Variants in PODNL1 observed in about 807,000 individuals in gnomAD.
PODNL1 encodes podocan-like protein 1.
A neutral mutation model predicts 45.1 loss-of-function variants in PODNL1; 50 were observed. The ratio of observed to expected loss-of-function variants is 1.11; its 90% CI spans 0.88 to 1.40. The LOEUF is 1.40. PODNL1 is among the 40% of genes most tolerant of loss of function. PODNL1 has a pLI of 0.00. For synonymous variants in PODNL1, 406 were observed against 372.5 expected (o/e 1.09, Z -1.04); for missense variants, 788 against 793.3 (o/e 0.99, Z 0.08).
chr19:13,932,603 G>T, intron 8 of PODNL1, 195 bp downstream of exon 8: 1 of 1,435,910 alleles, frequency 7.0e-7, no homozygotes, highest in Non-Finnish European at 9.4e-7. Flanking sequence ...CGATTCTCCT[G>T]CCTTGGCTCC....
intron 3 of PODNL1, 26 bp from the exon 4 acceptor site, chr19:13,936,070 G>A: frequency 6.5e-6 from 10 of 1,541,398 alleles, no homozygotes; most frequent in Non-Finnish European, 8.8e-6. Flanking sequence ...GGCAGTGAAG[G>A]GACCCCAGGC....
Position 13,934,700 on chromosome 19 carries a change from GTGTA to G in PODNL1, c.495-294_495-291del, listed in dbSNP as rs1426154245. On this transcript the variant is annotated intron_variant, in intron 5 of 9. Transcript: ENST00000588872. ...GCATATGTGGAGTGTGTGTGCACGT[GTGTA>G]TGTGATTGTAAGAGTGTGTGGGCGT... 7.2e-5 allele frequency among the ~76,000 whole-genome samples: 11 copies of G among 152,152 alleles called. No homozygotes were observed. In the East Asian group the frequency reaches 1.9e-3, roughly 27 times the overall value.
chr19:13,942,809 C>A (rs778088826), upstream of PODNL1, among the ~76,000 whole-genome samples: 10 of 151,446 alleles, frequency 6.6e-5, no homozygotes, highest in Non-Finnish European at 1.0e-4. Context: ...CATGGTGAAA[C>A]CCCATGTCTA....
chr19:13,943,034 A>T (rs1160660572), upstream of PODNL1, among the ~76,000 whole-genome samples: 2 of 149,184 alleles, frequency 1.3e-5, no homozygotes, highest in Non-Finnish European at 3.0e-5. Flanking sequence ...ACGGTGTCTC[A>T]TGCTGTAATC....
upstream of PODNL1, among the ~76,000 whole-genome samples, chr19:13,942,680 A>G (rs568898694): frequency 5.3e-4 from 81 of 152,102 alleles, no homozygotes; most frequent in Non-Finnish European, 9.1e-4. Context: ...GTAAATATTT[A>G]CAGAATGCAC....
In PODNL1 at chr19:13,934,377, G is replaced by A. The variant is rs1279102027; in HGVS notation, c.528C>T (p.Asn176=). The change falls in exon 6 of 10, where the codon AAC becomes AAT. Residue 176 remains asparagine (N), a synonymous_variant. Transcript: ENST00000588872. ...SVYLHNNQLS[N]AGLPPDAFRG... is the part of the protein sequence containing the mutation. ...GGAAGGCGTCGGGGGGCAGGCCAGC[G>A]TTGCTCAGCTGGTTGTTGTGGAGGT... is the stretch of plus-strand genomic sequence containing the variant. The A allele has an allele frequency of 9.0e-6, 14 of 1,551,854 alleles. No homozygotes were observed. Among genetic ancestry groups the A allele is most frequent in the Middle Eastern group, 2.1e-4 (1 of 4,862 alleles).
At chr19:13,943,424 C>T (rs567221897), upstream of PODNL1, among the ~76,000 whole-genome samples, 19 of 152,270 alleles carry the variant, frequency 1.2e-4, 1 homozygote, top group South Asian at 2.9e-3. Context: ...TCAGTTTCCA[C>T]GTGGCCTTCT....
intron 1 of PODNL1, among the ~76,000 whole-genome samples, chr19:13,943,632 T>G (rs553782618): frequency 6.6e-6 from 1 of 152,254 alleles, no homozygotes; most frequent in African/African-American, 2.4e-5. Flanking sequence ...CGGCTAATTT[T>G]TTTGTGTTTT....
intron 1 of PODNL1, chr19:13,952,411 C>T: frequency 2.4e-6 from 3 of 1,229,192 alleles, no homozygotes; most frequent in East Asian, 6.3e-5. Flanking sequence ...TGCGGGCTTT[C>T]GCCCAACCGG....
chr19:13,952,404 G>A (rs1421809260), intron 1 of PODNL1: 8 of 1,222,248 alleles, frequency 6.5e-6, no homozygotes, highest in East Asian at 3.2e-5. Flanking sequence ...GCGCGAGTGC[G>A]GGCTTTCGCC....
At chr19:13,943,125 C>T (rs1316916059), upstream of PODNL1, among the ~76,000 whole-genome samples, 7 of 151,548 alleles carry the variant, frequency 4.6e-5, no homozygotes, top group Admixed American at 2.0e-4. Context: ...GGATAAACCC[C>T]GTCTCTACTA....
At position 13,936,357 on chromosome 19, in the gene PODNL1, GC is replaced by G. The variant is rs755796566; in HGVS notation, c.319+9del. 1.9e-6 allele frequency: 3 copies of G among 1,607,552 alleles called. No homozygotes were observed. The highest frequency in any genetic ancestry group is 1.1e-5 in the South Asian group (1 of 90,948). ...AGCCCCAGAGAGGCCGCCTCCCTCT[GC>G]CCCCTCACCTTCGGAGGAGATGAGG... On this transcript the variant is annotated intron_variant, in intron 3 of 9. Transcript: ENST00000588872.
intron 1 of PODNL1, among the ~76,000 whole-genome samples, chr19:13,952,037 C>T (rs1973057260): frequency 6.6e-6 from 1 of 152,210 alleles, no homozygotes; most frequent in African/African-American, 2.4e-5. Context: ...AATCTCTTTC[C>T]TCGGCCTGGC....
chr19:13,941,647 C>T (rs1972659889), upstream of PODNL1, among the ~76,000 whole-genome samples: 1 of 152,034 alleles, frequency 6.6e-6, no homozygotes, highest in South Asian at 2.1e-4. Context: ...CCCGTCTCTA[C>T]TAAAAATACA....
rs748051807 is a variant in PODNL1 at position 13,952,474 on chromosome 19, A to AG, written c.18+644dup. The AG allele has an allele frequency of 1.3e-4, 165 of 1,247,010 alleles. 1 individual carries two copies. The highest frequency in any genetic ancestry group is 5.7e-4 in the East Asian group (18 of 31,628). The allele number at this position is 1,247,010 out of a possible 1,614,324, so 77.2% of individuals were successfully genotyped here. A position where few individuals can be genotyped will look rare whatever the true frequency, so the allele number is the denominator to read the frequency against. On this transcript the variant is annotated intron_variant, in intron 1 of 7. Coordinates refer to the PODNL1 transcript ENST00000538371. The stretch of plus-strand genomic sequence containing the variant: ...TGAGGAGGCGGCAGGGGTGGGGCGA[A>AG]GGGGCCGGTTGCTCCGGAAGTGGAG...
At chr19:13,943,400 C>T (rs573356951), upstream of PODNL1, among the ~76,000 whole-genome samples, 1 of 152,224 alleles carries the variant, frequency 6.6e-6, no homozygotes, top group East Asian at 1.9e-4. Flanking sequence ...GGCTGCATCA[C>T]CCTAATCTCT....
chr19:13,950,842 T>C (rs1052362970), intron 1 of PODNL1, among the ~76,000 whole-genome samples: 9 of 151,876 alleles, frequency 5.9e-5, no homozygotes, highest in Non-Finnish European at 1.3e-4. Context: ...GTCAGGAGTT[T>C]GAGACCAGCC....
At position 13,933,281 on chromosome 19, in the gene PODNL1, G is replaced by T. The variant is rs761340811; in HGVS notation, c.942C>A (p.Asn314Lys). The change falls in exon 8 of 10, where the codon AAC (asparagine) becomes AAA (lysine). Residue 314 changes from asparagine (N) to lysine (K), a missense_variant. Transcript: ENST00000588872. This position sits in a 1 kb window ranked among gnomAD's most constrained non-coding sequence, Gnocchi z 5.2. ...RGLRYLLLQH[N>K]QLGSSGLPAG... ...CGGGCAGCCCTGAGCTCCCCAGCTG[G>T]TTGTGCTGCAGCAACAAATAGCGCA... The T allele has an allele frequency of 9.5e-6, 15 of 1,573,076 alleles. No individual in the cohort carries two copies. The highest frequency in any genetic ancestry group is 1.3e-5 in the Non-Finnish European group (15 of 1,164,694).
intron 3 of PODNL1, 66 bp from the exon 4 acceptor site, chr19:13,936,110 C>T: frequency 7.3e-7 from 1 of 1,363,814 alleles, no homozygotes; most frequent in Non-Finnish European, 1.0e-6. Context: ...AGTCTGGGCT[C>T]CCAGCTGCCC....
Sources: allele counts gnomAD v4.1 joint callset (sites outside exome capture counted in the v4.1 genomes callset), GRCh38; gene constraint gnomAD v4.1.1; non-coding constraint Gnocchi (gnomAD v3.1); transcripts MANE v1.5; gene names NCBI Gene and HGNC (gene_info 2026-07-23, HGNC 2026-07-21).